Variants in AOAH observed in about 807,000 individuals in gnomAD.
AOAH encodes the protein acyloxyacyl hydrolase.
Under a neutral mutation model 92.2 loss-of-function variants are expected in AOAH, and 64 were observed. That is an observed-to-expected ratio of 0.69 (90% CI 0.57 to 0.86). The LOEUF is 0.86. AOAH is among the 40% of genes least tolerant of loss of function. AOAH has a pLI of 0.00. For missense variants in AOAH, 656 were observed against 694.6 expected (o/e 0.94, Z 0.62); for synonymous variants, 263 against 254.5 (o/e 1.03, Z -0.32).
At chr7:36,608,522 T>C (rs1330567907) in intron 11 of AOAH, among the ~76,000 whole-genome samples, 8 of 152,256 alleles carry the variant, frequency 5.3e-5, no homozygotes, top group Non-Finnish European at 1.5e-5. Flanking sequence ...TTAACATTTA[T>C]AAAAATGATT....
chr7:36,654,862 T>C (rs1372484260), intron 4 of AOAH, among the ~76,000 whole-genome samples: 2 of 152,172 alleles, frequency 1.3e-5, no homozygotes, highest in Non-Finnish European at 2.9e-5. Flanking sequence ...AGATAAATCC[T>C]CTTGTATTCC....
chr7:36,591,906 T>C (rs993953604), intron 12 of AOAH, among the ~76,000 whole-genome samples: 7 of 152,230 alleles, frequency 4.6e-5, no homozygotes, highest in African/African-American at 1.7e-4. Context: ...ATCTGTTTGC[T>C]GGGCATGGTG....
rs561260922 is a variant in AOAH, at chr7:36,716,449, T to C, written c.127+7573A>G. 2.3e-3 allele frequency among the ~76,000 whole-genome samples: 345 copies of C among 149,774 alleles called. 21 individuals are homozygous for C. The highest frequency in any genetic ancestry group is 8.4e-3 in the African/African-American group (335 of 39,870). ...AGGGATCTAGAACTAGAAATACCAT[T>C]TGACCCAGCCATCCCATTACTGGGT... On this transcript the variant is annotated intron_variant, in intron 1 of 20. Coordinates refer to ENST00000617537, the MANE Select transcript of AOAH (RefSeq NM_001637.4).
chr7:36,695,566 A>G (rs1480286164), intron 1 of AOAH, among the ~76,000 whole-genome samples: 1 of 152,206 alleles, frequency 6.6e-6, no homozygotes, highest in Admixed American at 6.5e-5. Flanking sequence ...ATCCTTTCAG[A>G]TCAGCAGTGG....
intron 12 of AOAH, among the ~76,000 whole-genome samples, chr7:36,591,411 A>T (rs1197579429): frequency 6.6e-6 from 1 of 152,234 alleles, no homozygotes; most frequent in Non-Finnish European, 1.5e-5. Flanking sequence ...TACTAGGTCA[A>T]TAAAGACTAG....
In AOAH at chr7:36,722,313, C is replaced by G. The variant is rs142872030; in HGVS notation, c.127+1709G>C. On this transcript the variant is annotated intron_variant, in intron 1 of 20. Transcript: ENST00000617537. The stretch of plus-strand genomic sequence containing the variant: ...TTACCCTCTATGACCTCACTGGGAA[C>G]AGGGCAGAGAAAGGAATGTGTACCT... Among the ~76,000 whole-genome samples the G allele has an allele frequency of 1.3e-3, 200 of 152,298 alleles. 3 individuals carry two copies. In the East Asian group the frequency reaches 0.034, roughly 26 times the overall value.
chr7:36,687,381 A>G (rs1797100009), intron 1 of AOAH, among the ~76,000 whole-genome samples: 3 of 152,146 alleles, frequency 2.0e-5, no homozygotes, highest in South Asian at 2.1e-4. Flanking sequence ...CAGGAACATG[A>G]TAAGTGTCTA....
chr7:36,620,485 G>A (rs1409156178), intron 9 of AOAH, among the ~76,000 whole-genome samples: 1 of 152,132 alleles, frequency 6.6e-6, no homozygotes, highest in Non-Finnish European at 1.5e-5. Flanking sequence ...GTAAAACTTT[G>A]TTAACACCAC....
At position 36,609,291 on chromosome 7, in the gene AOAH, T is replaced by A. The variant is rs143847580; in HGVS notation, c.846+7089A>T. ...TTTCCTAGCTGGTCTTGCTGCCTGATCCCCGCTCTCCCCCTAAACCAAATA... is the reference window on the plus strand; with the variant it reads ...TTTCCTAGCTGGTCTTGCTGCCTGAACCCCGCTCTCCCCCTAAACCAAATA... On this transcript the variant is annotated intron_variant, in intron 11 of 20. Coordinates refer to ENST00000617537, the MANE Select transcript of AOAH (RefSeq NM_001637.4). 8.9e-3 allele frequency among the ~76,000 whole-genome samples: 1,361 copies of A among 152,288 alleles called. 13 individuals carry two copies. The highest frequency in any genetic ancestry group is 0.013 in the Non-Finnish European group (853 of 68,004).
At chr7:36,535,094 GTGTT>G (rs1249119398) in intron 16 of AOAH, among the ~76,000 whole-genome samples, 3,336 of 110,604 alleles carry the variant, frequency 0.03, 124 homozygotes, top group African/African-American at 0.072. Context: ...CTCTGTGTGT[GTGTT>G]TGTGTGTGTC....
chr7:36,615,952 T>C (rs1791844825), intron 11 of AOAH, among the ~76,000 whole-genome samples: 1 of 152,122 alleles, frequency 6.6e-6, no homozygotes, highest in African/African-American at 2.4e-5. Context: ...CGGGCTTGTC[T>C]GTCCCCTGAT....
intron 15 of AOAH, among the ~76,000 whole-genome samples, chr7:36,546,984 G>GA (rs1444499819): frequency 9.2e-5 from 14 of 152,216 alleles, no homozygotes; most frequent in Non-Finnish European, 4.4e-5. Flanking sequence ...TATAGACAGG[G>GA]AATGGAATTT....
chr7:36,724,213 C>CAAT lies in AOAH; in HGVS notation c.-66_-65insATT. 3 of 1,593,144 alleles carry CAAT rather than the reference C, an allele frequency of 1.9e-6. No individual in the cohort carries two copies. In the South Asian group the frequency reaches 3.3e-5, roughly 18 times the overall value. ...AGCTCCCAACTGAGGGATGCTGGAG[C>CAAT]TGAGGCTGCAGAATCAATTGATCTC... is the stretch of plus-strand genomic sequence containing the variant. On this transcript the variant is annotated 5_prime_UTR_variant, in exon 1 of 21. Transcript: ENST00000617537.
chr7:36,533,472 A>T (rs1660170081), intron 16 of AOAH, among the ~76,000 whole-genome samples: 1 of 152,128 alleles, frequency 6.6e-6, no homozygotes, highest in Admixed American at 6.5e-5. Context: ...AAGACAGGAA[A>T]GCCACAGGCT....
chr7:36,677,965 C>G (rs114598178), intron 2 of AOAH, among the ~76,000 whole-genome samples: 2,911 of 151,906 alleles, frequency 0.019, 93 homozygotes, highest in African/African-American at 0.067. Flanking sequence ...TGTTTGGGGG[C>G]GGATGCTAAA....
chr7:36,513,189 G>A lies in AOAH; in HGVS notation c.*63C>T, dbSNP rs1045000086. Reference sequence around the variant, plus strand: ...ACGTGGCAGCCCCCATAGGGTTTGTGGAATGAGTTTACCCAAGCCTCTGCC... The same window carrying A: ...ACGTGGCAGCCCCCATAGGGTTTGTAGAATGAGTTTACCCAAGCCTCTGCC... On this transcript the variant is annotated 3_prime_UTR_variant, in exon 21 of 21. Coordinates refer to ENST00000617537, the MANE Select transcript of AOAH (RefSeq NM_001637.4). 1 of 1,614,114 alleles carries A rather than the reference G, an allele frequency of 6.2e-7. No homozygotes were observed. The highest frequency in any genetic ancestry group is 8.5e-7 in the Non-Finnish European group (1 of 1,180,034).
At chr7:36,687,157 A>G (rs1305095525) in intron 1 of AOAH, among the ~76,000 whole-genome samples, 1 of 152,098 alleles carries the variant, frequency 6.6e-6, no homozygotes, top group Non-Finnish European at 1.5e-5. Flanking sequence ...AAGTCGAAAG[A>G]TCTAGGATTA....
chr7:36,666,916 T>C (rs540127129), intron 3 of AOAH, among the ~76,000 whole-genome samples: 2 of 152,342 alleles, frequency 1.3e-5, no homozygotes, highest in South Asian at 2.1e-4. Context: ...ACCAATGTTA[T>C]CTGACAGCAG....
chr7:36,541,266 T>C (rs1785406188), intron 15 of AOAH, among the ~76,000 whole-genome samples: 1 of 152,240 alleles, frequency 6.6e-6, no homozygotes, highest in African/African-American at 2.4e-5. Context: ...ATAGTAGTGC[T>C]TGTGCTCTAT....
Sources: allele counts gnomAD v4.1 joint callset (sites outside exome capture counted in the v4.1 genomes callset), GRCh38; gene constraint gnomAD v4.1.1; transcripts MANE v1.5; gene names NCBI Gene and HGNC (gene_info 2026-07-23, HGNC 2026-07-21).